Variants in CDKL2 observed in about 807,000 individuals in gnomAD.
CDKL2 encodes the protein cyclin dependent kinase like 2, also known as cyclin-dependent kinase-like 2.
A neutral mutation model predicts 63.9 loss-of-function variants in CDKL2; 64 were observed. That is an observed-to-expected ratio of 1.00 (90% CI 0.82 to 1.23). CDKL2 has a LOEUF of 1.23. Among genes scored for constraint, CDKL2 ranks in the 50% most tolerant of loss-of-function variants. The pLI, the probability that CDKL2 is intolerant of heterozygous loss-of-function variation, is 0.00. For missense variants in CDKL2, 656 were observed against 668.0 expected, an observed-to-expected ratio of 0.98 and a Z score of 0.20; for synonymous variants, 211 against 229.2, an observed-to-expected ratio of 0.92 and a Z score of 0.72.
Position 75,625,965 on chromosome 4 carries a change from AC to A in CDKL2, c.23del (p.Gly8ValfsTer11). 6.2e-7 allele frequency: 1 copy of A among 1,606,910 alleles called. No individual in the cohort carries two copies. Among genetic ancestry groups the A allele is most frequent in the Non-Finnish European group, 8.5e-7 (1 of 1,178,382 alleles). On this transcript the variant is annotated frameshift_variant, in exon 2 of 14. Coordinates refer to ENST00000307465, the MANE Select transcript of CDKL2 (RefSeq NM_001330724.2). LOFTEE classifies it high-confidence loss of function. ...TTCCATAACTCCCTTCTCCAACCAA[AC>A]CCAGGTTTTCATATTTTTCCATTTT... Reference protein sequence around the residue: MEKYENLGLVGEGSYGMV... With the variant: MEKYENLXLVGEGSYGMV...
At chr4:75,619,612 AAGCTGG>A (rs1309122124) in intron 2 of CDKL2, among the ~76,000 whole-genome samples, 1 of 149,334 alleles carries the variant, frequency 6.7e-6, no homozygotes, top group Non-Finnish European at 1.5e-5. Flanking sequence ...AGCACACCAG[AAGCTGG>A]AAGAAAAGTC....
At chr4:75,627,721 CTTTTT>C (rs762110745) in intron 1 of CDKL2, among the ~76,000 whole-genome samples, 814 of 45,168 alleles carry the variant, frequency 0.018, 21 homozygotes, top group African/African-American at 0.028. Flanking sequence ...TTTTTCTTTA[CTTTTT>C]TTTTCTTTTT....
intron 2 of CDKL2, among the ~76,000 whole-genome samples, chr4:75,620,478 T>C (rs1337408198): frequency 1.3e-5 from 2 of 152,202 alleles, no homozygotes; most frequent in Non-Finnish European, 2.9e-5. Flanking sequence ...AAAAGTATAA[T>C]TACTTTTGTT....
In CDKL2 at chr4:75,607,192, T is replaced by C. The variant is rs942219579; in HGVS notation, c.533A>G (p.Lys178Arg). ...ATTACTGATGTCTTACTTGCCATAC[T>C]TGACATCACCAACCAATAGTTCTGG... ...RAPELLVGDV[K>R]YGKAVDVWAI... Residue 178 changes from lysine (K) to arginine (R), a missense_variant, in exon 4 of 14, where the codon AAG becomes AGG. Lys to Arg is a conservative substitution (Grantham distance 26). Coordinates refer to ENST00000307465, the MANE Select transcript of CDKL2 (RefSeq NM_001330724.2). 6.2e-7 allele frequency: 1 copy of C among 1,607,448 alleles called. No homozygotes were observed. Among genetic ancestry groups the C allele is most frequent in the Non-Finnish European group, 8.5e-7 (1 of 1,175,994 alleles).
At chr4:75,626,924 C>G (rs1730446671) in intron 1 of CDKL2, among the ~76,000 whole-genome samples, 1 of 151,898 alleles carries the variant, frequency 6.6e-6, no homozygotes, top group Non-Finnish European at 1.5e-5. Flanking sequence ...AATGCACAGG[C>G]CAGGTGCAGT....
At position 75,577,580 on chromosome 4, in the gene CDKL2, A is replaced by G. The variant is rs1247384632; in HGVS notation, c.*1622T>C. On this transcript the variant is annotated 3_prime_UTR_variant, in exon 14 of 14. Transcript: ENST00000307465. ...ATAAAAATAGTATTGAAATAAGCCGAAGCGCCATTTGGCTTTAAGTATTAC... is the reference window on the plus strand; with the variant it reads ...ATAAAAATAGTATTGAAATAAGCCGGAGCGCCATTTGGCTTTAAGTATTAC... Among the ~76,000 whole-genome samples, 1 of 152,224 alleles carries G rather than the reference A, an allele frequency of 6.6e-6. No individual in the cohort carries two copies. The highest frequency in any genetic ancestry group is 1.5e-5 in the Non-Finnish European group (1 of 68,022).
At chr4:75,622,211 T>C (rs541843695) in intron 2 of CDKL2, among the ~76,000 whole-genome samples, 1 of 152,206 alleles carries the variant, frequency 6.6e-6, no homozygotes, top group Non-Finnish European at 1.5e-5. Flanking sequence ...AATCCAAATA[T>C]GTAAGTTTTA....
chr4:75,595,203 C>CT (rs71203830), intron 10 of CDKL2, among the ~76,000 whole-genome samples: 38,393 of 135,182 alleles, frequency 0.28, 6,575 homozygotes, highest in East Asian at 0.74. Flanking sequence ...TTTCTTTCTT[C>CT]TTTTTTTTTT....
At chr4:75,606,494 T>C (rs1729431607) in intron 4 of CDKL2, among the ~76,000 whole-genome samples, 1 of 152,244 alleles carries the variant, frequency 6.6e-6, no homozygotes, top group Non-Finnish European at 1.5e-5. Flanking sequence ...ATTACAGGCA[T>C]GAGCCGCTGC....
intron 12 of CDKL2, among the ~76,000 whole-genome samples, chr4:75,585,760 AAATT>A (rs1205952856): frequency 2.5e-4 from 38 of 152,202 alleles, no homozygotes; most frequent in African/African-American, 8.2e-4. Context: ...GTCTTGAAAT[AAATT>A]AATTAATTAA....
intron 1 of CDKL2, among the ~76,000 whole-genome samples, chr4:75,626,271 TTTAAA>T (rs1282835443): frequency 6.6e-6 from 1 of 152,250 alleles, no homozygotes; most frequent in African/African-American, 2.4e-5. Flanking sequence ...AGCCATTAAC[TTTAAA>T]TTACTAAATG....
chr4:75,595,804 C>G (rs1728891162), intron 10 of CDKL2, among the ~76,000 whole-genome samples: 1 of 151,922 alleles, frequency 6.6e-6, no homozygotes, highest in South Asian at 2.1e-4. Context: ...TGGCAGGCAC[C>G]TGTAATCCCA....
At chr4:75,622,977 T>C (rs1166128974) in intron 2 of CDKL2, among the ~76,000 whole-genome samples, 2 of 151,982 alleles carry the variant, frequency 1.3e-5, no homozygotes, top group East Asian at 3.9e-4. Context: ...CTACCAGATA[T>C]AAAAACTTAC....
At chr4:75,595,749 G>A (rs1252352296) in intron 10 of CDKL2, among the ~76,000 whole-genome samples, 1 of 151,974 alleles carries the variant, frequency 6.6e-6, no homozygotes, top group Non-Finnish European at 1.5e-5. Flanking sequence ...GGCCAAGATG[G>A]TGAAACCCTG....
intron 12 of CDKL2, among the ~76,000 whole-genome samples, chr4:75,587,720 G>A (rs1328383941): frequency 2.0e-5 from 3 of 149,608 alleles, no homozygotes; most frequent in Middle Eastern, 3.3e-3. Context: ...TGGCTAACAC[G>A]GTGAAACCCC....
At chr4:75,617,838 C>T (rs1268592777) in intron 2 of CDKL2, among the ~76,000 whole-genome samples, 2 of 152,126 alleles carry the variant, frequency 1.3e-5, no homozygotes, top group Non-Finnish European at 2.9e-5. Context: ...CATGGTGGCT[C>T]ATGCCTGTAA....
chr4:75,588,723 CA>C (rs1217286153), intron 12 of CDKL2, among the ~76,000 whole-genome samples: 1 of 152,174 alleles, frequency 6.6e-6, no homozygotes, highest in African/African-American at 2.4e-5. Context: ...TGACTCCCCC[CA>C]AATCAGTGGA....
rs1422469924 is a variant in CDKL2 at position 75,578,205 on chromosome 4, A to G, written c.*997T>C. ...TGCACCTTGGTGAAAAGCTTTTGAG[A>G]CGGCCTGAGTGTTTGAGGCCACAAG... On this transcript the variant is annotated 3_prime_UTR_variant, in exon 14 of 14. Coordinates refer to ENST00000307465, the MANE Select transcript of CDKL2 (RefSeq NM_001330724.2). 1 of 152,214 alleles carries G rather than the reference A, an allele frequency of 6.6e-6. No homozygotes were observed. The highest frequency in any genetic ancestry group is 1.5e-5 in the Non-Finnish European group (1 of 68,048). The allele number at this position is 152,214 out of a possible 1,614,324, so 9.4% of individuals were successfully genotyped here.
intron 10 of CDKL2, among the ~76,000 whole-genome samples, chr4:75,595,448 C>T (rs1728873107): frequency 6.6e-6 from 1 of 152,066 alleles, no homozygotes; most frequent in Admixed American, 6.6e-5. Context: ...CTCCTGGGCT[C>T]AAACTATCCT....
Sources: allele counts gnomAD v4.1 joint callset (sites outside exome capture counted in the v4.1 genomes callset), GRCh38; gene constraint gnomAD v4.1.1; transcripts MANE v1.5; gene names NCBI Gene and HGNC (gene_info 2026-07-23, HGNC 2026-07-21).